WDR17: variants seen among roughly 807,000 people sequenced by gnomAD.
WDR17 encodes the protein WD repeat-containing protein 17.
A neutral mutation model predicts 161.7 loss-of-function variants in WDR17; 143 were observed. The observed-to-expected ratio is 0.88, with a 90% CI of 0.77 to 1.02. WDR17 has a LOEUF of 1.02. WDR17 is among the 50% of genes least tolerant of loss of function. The pLI is 0.00. For missense variants in WDR17, 1,469 were observed against 1,520.9 expected (o/e 0.97, Z 0.57); for synonymous variants, 517 against 515.6 (o/e 1.00, Z -0.04).
At chr4:176,090,671 C>T (rs959799439) in intron 1 of WDR17, among the ~76,000 whole-genome samples, 20 of 152,022 alleles carry the variant, frequency 1.3e-4, no homozygotes, top group African/African-American at 4.3e-4. Flanking sequence ...GTCAGGGAGA[C>T]CCTAGTGGTG....
rs1752003711 is a variant in WDR17 at position 176,180,082 on chromosome 4, A to G, written c.*503A>G. ...TTATAAAATGCATAGTAAACCACTA[A>G]CGTTAGCTGTTTTAATAAAAGTTTT... On this transcript the variant is annotated 3_prime_UTR_variant, in exon 29 of 29. Transcript: ENST00000508596. 1 of 152,162 alleles carries G rather than the reference A, an allele frequency of 6.6e-6. No individual in the cohort carries two copies. Among genetic ancestry groups the G allele is most frequent in the African/African-American group, 2.4e-5 (1 of 41,446 alleles). 9.4% of individuals were successfully genotyped at this position (152,162 alleles called of 1,614,324 possible).
chr4:176,091,901 A>G (rs189591445), intron 1 of WDR17, among the ~76,000 whole-genome samples: 407 of 152,310 alleles, frequency 2.7e-3, no homozygotes, highest in African/African-American at 9.4e-3. Context: ...TGAACCATGA[A>G]GAAATCCAAA....
At chr4:176,155,550 T>TTTTTTGTTTTGTTTTGTTTTGTC (rs1293468454) in intron 17 of WDR17, among the ~76,000 whole-genome samples, 48 of 141,734 alleles carry the variant, frequency 3.4e-4, no homozygotes, top group African/African-American at 1.2e-3. Flanking sequence ...TTTGTGTTTT[T>TTTTTTGTTTTGTTTTGTTTTGTC]TTTTTTTTTT....
intron 2 of WDR17, among the ~76,000 whole-genome samples, chr4:176,113,591 G>A (rs1464947617): frequency 6.6e-6 from 1 of 151,838 alleles, no homozygotes; most frequent in Non-Finnish European, 1.5e-5. Context: ...TAATTAAATG[G>A]TGACATTAAT....
At position 176,150,495 on chromosome 4, in the gene WDR17, A is replaced by G. The variant is rs1245401623; in HGVS notation, c.2206A>G (p.Asn736Asp). The stretch of plus-strand genomic sequence containing the variant: ...TCCAGGTGGCAGTGACAATTTATGG[A>G]ACTTGGTTGCTGTGATAAAAGGACA... The part of the protein sequence containing the change: ...SPPGGSDNLW[N>D]LVAVIKGQDD... The change falls in exon 16 of 29, where the codon AAC becomes GAC. Residue 736 changes from asparagine to aspartate, a missense_variant. Physicochemically the swap from Asn to Asp is conservative, Grantham distance 23. Transcript: ENST00000508596. 1 of 1,610,450 alleles carries G rather than the reference A, an allele frequency of 6.2e-7. No homozygotes were observed. Among genetic ancestry groups the G allele is most frequent in the African/African-American group, 1.3e-5 (1 of 74,886 alleles).
At chr4:176,119,817 G>A (rs57542178) in intron 3 of WDR17, 50 bp from the exon 4 acceptor site, 48,929 of 1,491,898 alleles carry the variant, frequency 0.033, 1,235 homozygotes, top group East Asian at 0.14. Context: ...ATTTAATGGT[G>A]TAATCTTATG....
chr4:176,150,330 A>G, intron 15 of WDR17, 138 bp from the exon 16 acceptor site: 1 of 1,438,696 alleles, frequency 7.0e-7, no homozygotes, highest in Non-Finnish European at 9.3e-7. Flanking sequence ...AAAACTAGAA[A>G]CAATACATGA....
chr4:176,131,490 A>T, intron 6 of WDR17, 64 bp from the exon 7 acceptor site: 1 of 1,439,126 alleles, frequency 6.9e-7, no homozygotes, highest in Non-Finnish European at 9.3e-7. Context: ...TTTTTAATGA[A>T]GAATCTTTCT....
At chr4:176,101,059 G>A (rs554333608) in intron 1 of WDR17, among the ~76,000 whole-genome samples, 1 of 152,132 alleles carries the variant, frequency 6.6e-6, no homozygotes, top group South Asian at 2.1e-4. Context: ...GGATTGCATT[G>A]GCTATTTGTG....
intron 1 of WDR17, among the ~76,000 whole-genome samples, chr4:176,070,269 T>C (rs1464721465): frequency 1.3e-5 from 2 of 152,198 alleles, no homozygotes; most frequent in Admixed American, 6.5e-5. Flanking sequence ...CAAAATTAAT[T>C]CATTAGCTCA....
At chr4:176,150,204 T>C (rs1180839935) in intron 15 of WDR17, 31 bp downstream of exon 15, 2 of 1,605,604 alleles carry the variant, frequency 1.2e-6, no homozygotes, top group Non-Finnish European at 1.7e-6. Flanking sequence ...ATGCGAATAT[T>C]TTCCCTTTAG....
chr4:176,160,839 A>T, intron 19 of WDR17, 72 bp from the exon 20 acceptor site: 1 of 1,282,732 alleles, frequency 7.8e-7, no homozygotes. Context: ...ACTTTGCTCA[A>T]AATCATATTC....
chr4:176,166,447 A>C (rs149453945), intron 22 of WDR17, among the ~76,000 whole-genome samples: 1 of 152,284 alleles, frequency 6.6e-6, no homozygotes, highest in East Asian at 1.9e-4. Context: ...TCTGATAGTG[A>C]AATTTTATAT....
At chr4:176,101,080 G>A (rs1254757714) in intron 1 of WDR17, among the ~76,000 whole-genome samples, 1 of 152,030 alleles carries the variant, frequency 6.6e-6, no homozygotes, top group Non-Finnish European at 1.5e-5. Context: ...CTCTTGTTTG[G>A]TTCTATATGA....
chr4:176,162,186 A>G lies in WDR17; in HGVS notation c.2850+12A>G, dbSNP rs1330507443. On this transcript the variant is annotated intron_variant, in intron 21 of 28. Transcript: ENST00000508596. The stretch of plus-strand genomic sequence containing the variant: ...TAGATAATATTGAGGTACGACATTT[A>G]AAACTGGTTTATGTGAATGAAAAGT... 1.9e-6 allele frequency: 3 copies of G among 1,608,386 alleles called. No individual in the cohort carries two copies. The highest frequency in any genetic ancestry group is 1.7e-5 in the Admixed American group (1 of 59,142).
intron 1 of WDR17, among the ~76,000 whole-genome samples, chr4:176,087,556 A>G (rs552392763): frequency 3.9e-5 from 6 of 152,182 alleles, no homozygotes; most frequent in African/African-American, 9.6e-5. Flanking sequence ...GAAATTTCTC[A>G]TTCTTTATCT....
At position 176,162,147 on chromosome 4, in the gene WDR17, T is replaced by C; in HGVS notation, c.2823T>C (p.Cys941=). 1 of 1,612,972 alleles carries C rather than the reference T, an allele frequency of 6.2e-7. No homozygotes were observed. Among genetic ancestry groups the C allele is most frequent in the Non-Finnish European group, 8.5e-7 (1 of 1,179,324 alleles). ...ATGGTCGAGCAGTACTAGCCGCATGTTGCCATCTTGCCATAGATAATATTG... is the reference window on the plus strand; with the variant it reads ...ATGGTCGAGCAGTACTAGCCGCATGCTGCCATCTTGCCATAGATAATATTG... ...FQDGRAVLAA[C]CHLAIDNIEL... is the part of the protein sequence containing the mutation. Residue 941 remains cysteine, a synonymous_variant, in exon 21 of 29, where the codon TGT becomes TGC. Transcript: ENST00000508596.
intron 4 of WDR17, among the ~76,000 whole-genome samples, chr4:176,120,319 T>TATATATATATATATATAA (rs1491272016): frequency 2.9e-4 from 40 of 138,778 alleles, no homozygotes; most frequent in African/African-American, 9.7e-4. Flanking sequence ...TATATATATA[T>TATATATATATATATATAA]AATACATTCA....
At chr4:176,162,742 CA>C (rs887131172) in intron 21 of WDR17, among the ~76,000 whole-genome samples, 17 of 152,190 alleles carry the variant, frequency 1.1e-4, no homozygotes, top group South Asian at 4.1e-4. Flanking sequence ...ATTAAAGATA[CA>C]GATTCTATTG....
Sources: gnomAD v4.1 joint callset for allele counts (sites outside exome capture counted in the v4.1 genomes callset) on GRCh38, gnomAD v4.1.1 for gene constraint, MANE v1.5 for transcripts, NCBI Gene and HGNC (gene_info 2026-07-23, HGNC 2026-07-21) for gene names.